FBXL13: variants seen among roughly 807,000 people sequenced by gnomAD.
FBXL13 encodes F-box and leucine rich repeat protein 13.
Under a neutral mutation model 83.6 loss-of-function variants are expected in FBXL13, and 67 were observed. That is an observed-to-expected ratio of 0.80 (90% CI 0.66 to 0.98). The LOEUF is 0.98. FBXL13 is among the 50% of genes least tolerant of loss of function. The pLI, the probability that FBXL13 is intolerant of heterozygous loss-of-function variation, is 0.00. For synonymous variants in FBXL13, 272 were observed against 299.5 expected (o/e 0.91, Z 0.95); for missense variants, 822 against 866.5 (o/e 0.95, Z 0.64).
intron 16 of FBXL13, among the ~76,000 whole-genome samples, chr7:102,866,004 A>G (rs1807593752): frequency 6.6e-6 from 1 of 152,188 alleles, no homozygotes; most frequent in African/African-American, 2.4e-5. Flanking sequence ...AATTGTTAGT[A>G]TGAATTTTGT....
chr7:102,960,792 T>C (rs1014036936), intron 8 of FBXL13, among the ~76,000 whole-genome samples: 1 of 151,740 alleles, frequency 6.6e-6, no homozygotes, highest in Non-Finnish European at 1.5e-5. Context: ...CAACCTTTCA[T>C]GCTAAAAACT....
chr7:102,972,597 C>A (rs1007220126), intron 6 of FBXL13, among the ~76,000 whole-genome samples: 1 of 151,988 alleles, frequency 6.6e-6, no homozygotes, highest in Non-Finnish European at 1.5e-5. Context: ...CACCACTATA[C>A]CATTCATCAA....
chr7:102,963,548 T>C, exon 8 of FBXL13: 3 of 1,611,924 alleles, frequency 1.9e-6, no homozygotes, highest in Non-Finnish European at 2.5e-6. Context: ...GATCTGAAAG[T>C]TTTGGGTCGG....
At chr7:102,944,653 G>A (rs761514085) in intron 8 of FBXL13, 4 of 1,480,226 alleles carry the variant, frequency 2.7e-6, no homozygotes, top group African/African-American at 1.4e-5. Context: ...TTTCTATACT[G>A]GTGTTAGAAA....
In FBXL13 at chr7:103,037,757, T is replaced by C. The variant is rs192064641; in HGVS notation, c.1-8339A>G. On this transcript the variant is annotated intron_variant, in intron 2 of 19. Transcript: ENST00000313221. ...AGGAATTCAAGGTTACAATGAACTA[T>C]GATCATGCCACTGCACTCCAGCAAG... Among the ~76,000 whole-genome samples the C allele has an allele frequency of 3.6e-3, 545 of 152,138 alleles. 2 individuals carry two copies. The highest frequency in any genetic ancestry group is 4.2e-3 in the Admixed American group (64 of 15,274).
intron 18 of FBXL13, among the ~76,000 whole-genome samples, chr7:102,828,939 T>C (rs1584476622): frequency 6.6e-6 from 1 of 152,276 alleles, no homozygotes; most frequent in East Asian, 1.9e-4. Flanking sequence ...CTCTCCCTTT[T>C]GTAGATTGTC....
At chr7:102,899,443 C>T (rs1584838632) in intron 11 of FBXL13, among the ~76,000 whole-genome samples, 1 of 152,324 alleles carries the variant, frequency 6.6e-6, no homozygotes, top group East Asian at 1.9e-4. Flanking sequence ...TTCATTCTCT[C>T]TCCCACAGCA....
At chr7:102,996,800 A>G (rs1789840491) in intron 6 of FBXL13, among the ~76,000 whole-genome samples, 1 of 152,138 alleles carries the variant, frequency 6.6e-6, no homozygotes, top group Admixed American at 6.5e-5. Context: ...ATCATAAGAC[A>G]AGCAAGAAGA....
chr7:102,944,844 C>G, intron 8 of FBXL13: 5 of 417,136 alleles, frequency 1.2e-5, no homozygotes, highest in Non-Finnish European at 1.3e-5. Flanking sequence ...ACACTGGTAA[C>G]CTGCAGCAGT....
chr7:103,008,597 A>G (rs146074971), intron 6 of FBXL13, among the ~76,000 whole-genome samples: 1,789 of 152,294 alleles, frequency 0.012, 38 homozygotes, highest in African/African-American at 0.041. Flanking sequence ...TCACTCTGTC[A>G]TCCAGGCTAG....
rs746300958 is a variant in FBXL13, at chr7:102,939,365, T to A, written c.725-7432A>T. The stretch of plus-strand genomic sequence containing the variant: ...AGCTGATTCTTCAATCACACAGATA[T>A]AACGGTGACCGAGGAAATGGGGGCA... On this transcript the variant is annotated intron_variant, in intron 8 of 19. Coordinates refer to ENST00000313221, the Ensembl canonical transcript of FBXL13. 4 of 1,374,640 alleles carry A rather than the reference T, an allele frequency of 2.9e-6. No homozygotes were observed. In the African/African-American group the frequency reaches 5.8e-5, roughly 20 times the overall value. 85.2% of individuals were successfully genotyped at this position (1,374,640 alleles called of 1,614,324 possible).
At chr7:102,820,702 T>A (rs1300197597) in intron 19 of FBXL13, among the ~76,000 whole-genome samples, 1 of 152,210 alleles carries the variant, frequency 6.6e-6, no homozygotes, top group Non-Finnish European at 1.5e-5. Context: ...GGAAGTCCAA[T>A]ATCATCCCAT....
chr7:103,059,145 CTG>C (rs1283383044), intron 1 of FBXL13, among the ~76,000 whole-genome samples: 1 of 151,914 alleles, frequency 6.6e-6, no homozygotes, highest in Non-Finnish European at 1.5e-5. Flanking sequence ...TGGCGTGTGC[CTG>C]TAGCCCTAGC....
intron 11 of FBXL13, among the ~76,000 whole-genome samples, chr7:102,893,918 AAG>A (rs907582158): frequency 6.7e-5 from 10 of 149,270 alleles, no homozygotes; most frequent in East Asian, 3.9e-4. Context: ...AGGGGAAAGA[AAG>A]AGAGAGAGAG....
intron 17 of FBXL13, among the ~76,000 whole-genome samples, chr7:102,841,803 C>G (rs1474684666): frequency 2.6e-5 from 4 of 152,116 alleles, no homozygotes; most frequent in Non-Finnish European, 5.9e-5. Context: ...TCTTGGGTCT[C>G]CAGGAGTATG....
At chr7:102,853,087 A>T (rs997862769) in intron 17 of FBXL13, among the ~76,000 whole-genome samples, 2 of 152,168 alleles carry the variant, frequency 1.3e-5, no homozygotes, top group Non-Finnish European at 2.9e-5. Context: ...AAAACCAAAC[A>T]TTGTATGTTC....
intron 18 of FBXL13, among the ~76,000 whole-genome samples, chr7:102,825,926 C>A (rs1413015309): frequency 6.6e-6 from 1 of 152,124 alleles, no homozygotes; most frequent in African/African-American, 2.4e-5. Context: ...AGAATGGTTA[C>A]CCGAGATTGC....
chr7:102,878,332 G>A (rs754280296), exon 15 of FBXL13: 21 of 1,596,034 alleles, frequency 1.3e-5, no homozygotes, highest in East Asian at 9.1e-5. Flanking sequence ...TTATCATACC[G>A]CTCAGATAGT....
chr7:102,966,709 C>T (rs1363206075), intron 7 of FBXL13, among the ~76,000 whole-genome samples: 1 of 152,180 alleles, frequency 6.6e-6, no homozygotes, highest in African/African-American at 2.4e-5. Flanking sequence ...TTGCTCCATC[C>T]TCCTATTTCT....
Sources: gnomAD v4.1 joint callset for allele counts (sites outside exome capture counted in the v4.1 genomes callset) on GRCh38, gnomAD v4.1.1 for gene constraint, MANE v1.5 for transcripts, NCBI Gene and HGNC (gene_info 2026-07-23, HGNC 2026-07-21) for gene names.